Variants in DENND1B observed in about 807,000 individuals in gnomAD.
DENND1B encodes DENN domain-containing protein 1B.
In DENND1B, 59 loss-of-function variants were observed where a neutral mutation model predicts 90.1. The ratio of observed to expected loss-of-function variants is 0.65; its 90% CI spans 0.53 to 0.81. The LOEUF is 0.81. Ranked by LOEUF, DENND1B falls within the 40% of genes least tolerant of loss-of-function variation. The probability of loss-of-function intolerance (pLI) is 0.00; values close to 1 mark genes in which losing one functional copy is unlikely to be tolerated. For missense variants in DENND1B, 862 were observed against 912.6 expected (o/e 0.94, Z 0.71); for synonymous variants, 337 against 324.6 (o/e 1.04, Z -0.41).
At chr1:197,568,407 C>T (rs1351123499) in intron 15 of DENND1B, among the ~76,000 whole-genome samples, 3 of 151,994 alleles carry the variant, frequency 2.0e-5, no homozygotes, top group Non-Finnish European at 2.9e-5. Flanking sequence ...ATTAGCATTG[C>T]TAAACTATCC....
intron 12 of DENND1B, among the ~76,000 whole-genome samples, chr1:197,609,102 C>T (rs963487982): frequency 8.0e-5 from 12 of 149,786 alleles, no homozygotes; most frequent in Non-Finnish European, 1.5e-4. Context: ...GTACCTCCTT[C>T]TGTGTCTCAC....
At chr1:197,591,832 C>T (rs2111934) in intron 14 of DENND1B, among the ~76,000 whole-genome samples, 70,180 of 151,770 alleles carry the variant, frequency 0.46, 16,708 homozygotes, top group East Asian at 0.66. Context: ...GTATCACGGC[C>T]GGGCGCGGTA....
At chr1:197,703,090 T>G (rs1189711432) in intron 3 of DENND1B, among the ~76,000 whole-genome samples, 1 of 151,960 alleles carries the variant, frequency 6.6e-6, no homozygotes, top group Non-Finnish European at 1.5e-5. Flanking sequence ...CTGGTTCAAG[T>G]AATTCTCCTG....
In DENND1B at chr1:197,671,232, C is replaced by G. The variant is rs151074797; in HGVS notation, c.296+805G>C. ...CCATGTTATAATAATAGTTTGGAGT[C>G]CTATTTTTATAGACTACATCTGGAT... On this transcript the variant is annotated intron_variant, in intron 5 of 22. Coordinates refer to ENST00000620048, the MANE Select transcript of DENND1B (RefSeq NM_001195215.2). Among the ~76,000 whole-genome samples, 1,016 of 152,198 alleles carry G rather than the reference C, an allele frequency of 6.7e-3. 13 individuals are homozygous for G. The highest frequency in any genetic ancestry group is 0.023 in the African/African-American group (974 of 41,534).
chr1:197,582,222 C>T (rs1674305022), intron 15 of DENND1B, among the ~76,000 whole-genome samples: 1 of 152,094 alleles, frequency 6.6e-6, no homozygotes, highest in African/African-American at 2.4e-5. Flanking sequence ...TTTAAAATTT[C>T]CTCAGAAGTA....
chr1:197,629,901 G>A (rs538522419), intron 10 of DENND1B, among the ~76,000 whole-genome samples: 2 of 151,856 alleles, frequency 1.3e-5, no homozygotes, highest in East Asian at 1.9e-4. Flanking sequence ...TGTAACTGAT[G>A]CCTCACCAAC....
At chr1:197,520,344 G>C (rs1285250774) in intron 20 of DENND1B, among the ~76,000 whole-genome samples, 1 of 151,904 alleles carries the variant, frequency 6.6e-6, no homozygotes, top group Non-Finnish European at 1.5e-5. Context: ...TAGTAGAGCA[G>C]TTATAAATAA....
intron 7 of DENND1B, among the ~76,000 whole-genome samples, chr1:197,647,907 A>G (rs1241784348): frequency 6.6e-6 from 1 of 150,818 alleles, no homozygotes; most frequent in Admixed American, 6.7e-5. Flanking sequence ...AGATCACGCC[A>G]TTGTTTTCCA....
At chr1:197,704,047 CA>C (rs1459360697) in intron 3 of DENND1B, among the ~76,000 whole-genome samples, 1 of 152,122 alleles carries the variant, frequency 6.6e-6, no homozygotes, top group Non-Finnish European at 1.5e-5. Flanking sequence ...AGTTCACGAC[CA>C]GCCTGGGCAA....
At chr1:197,649,520 C>T (rs1652876501) in intron 7 of DENND1B, among the ~76,000 whole-genome samples, 1 of 152,098 alleles carries the variant, frequency 6.6e-6, no homozygotes, top group South Asian at 2.1e-4. Context: ...TTGCTCAAGA[C>T]ACATGGACCA....
chr1:197,534,485 C>A (rs1305821586), intron 20 of DENND1B, among the ~76,000 whole-genome samples: 1 of 152,176 alleles, frequency 6.6e-6, no homozygotes, highest in Non-Finnish European at 1.5e-5. Flanking sequence ...AAACATCTAA[C>A]CTATTTCTTT....
chr1:197,632,964 A>C (rs1030791569), intron 10 of DENND1B, among the ~76,000 whole-genome samples: 1 of 152,208 alleles, frequency 6.6e-6, no homozygotes, highest in Non-Finnish European at 1.5e-5. Context: ...TTGCATGCCT[A>C]AAGTAAAAGT....
At position 197,660,280 on chromosome 1, in the gene DENND1B, C is replaced by A. The variant is rs189777182; in HGVS notation, c.297-1911G>T. On this transcript the variant is annotated intron_variant, in intron 5 of 22. Transcript: ENST00000620048. ...AGCAAACCACCATGGCATGTGTATA[C>A]CTATGTAACAAACCTGCATGTTCTG... 1.2e-3 allele frequency among the ~76,000 whole-genome samples: 183 copies of A among 152,010 alleles called. 1 individual carries two copies. The highest frequency in any genetic ancestry group is 3.0e-3 in the Admixed American group (45 of 15,252).
intron 15 of DENND1B, among the ~76,000 whole-genome samples, chr1:197,565,117 A>G (rs1386035251): frequency 6.6e-6 from 1 of 152,088 alleles, no homozygotes; most frequent in East Asian, 1.9e-4. Context: ...TTTACTAGTA[A>G]TACAAGTGCT....
At position 197,507,149 on chromosome 1, in the gene DENND1B, CATTATT is replaced by C. The variant is rs67506479; in HGVS notation, c.*3305_*3310del. On this transcript the variant is annotated 3_prime_UTR_variant, in exon 23 of 23. Coordinates refer to ENST00000620048, the MANE Select transcript of DENND1B (RefSeq NM_001195215.2). ...CAGCTAATAACTTCCAGGCAAAACA[CATTATT>C]ATTATTATTATTATTATTATTATTA... is the stretch of plus-strand genomic sequence containing the variant. The C allele has an allele frequency of 0.015, 2,132 of 142,786 alleles. 61 individuals carry two copies. Among genetic ancestry groups the C allele is most frequent in the African/African-American group, 0.05 (1,971 of 39,324 alleles). The allele number at this position is 142,786 out of a possible 1,614,324, so 8.8% of individuals were successfully genotyped here. A position where few individuals can be genotyped will look rare whatever the true frequency, so the allele number is the denominator to read the frequency against.
At chr1:197,647,263 ATGC>A in intron 7 of DENND1B, 149 bp from the exon 8 acceptor site, 1 of 426,126 alleles carries the variant, frequency 2.3e-6, no homozygotes, top group Non-Finnish European at 4.1e-6. Flanking sequence ...ATTATTTTAA[ATGC>A]TGATTTGCTA....
Position 197,553,158 on chromosome 1 carries a change from T to C in DENND1B, c.1150-46A>G, listed in dbSNP as rs892787984. 7.1e-6 allele frequency: 10 copies of C among 1,413,076 alleles called. No homozygotes were observed. The African/African-American group carries it at 1.0e-4, about 15-fold the overall frequency. The allele number at this position is 1,413,076 out of a possible 1,614,324, so 87.5% of individuals were successfully genotyped here. ...ATAAAATGTATCAAATAAAATGTTATCCAATAAAATGTTAATTTTTCATTT... is the reference window on the plus strand; with the variant it reads ...ATAAAATGTATCAAATAAAATGTTACCCAATAAAATGTTAATTTTTCATTT... On this transcript the variant is annotated intron_variant, in intron 15 of 22. Coordinates refer to ENST00000620048, the MANE Select transcript of DENND1B (RefSeq NM_001195215.2).
intron 3 of DENND1B, among the ~76,000 whole-genome samples, chr1:197,679,274 G>A (rs1330020502): frequency 2.0e-5 from 3 of 150,984 alleles, no homozygotes; most frequent in Non-Finnish European, 4.4e-5. Flanking sequence ...ATTGGAAGCA[G>A]TGCAGAGTGA....
At chr1:197,610,066 A>C (rs1450254369) in intron 12 of DENND1B, among the ~76,000 whole-genome samples, 1 of 150,784 alleles carries the variant, frequency 6.6e-6, no homozygotes, top group Non-Finnish European at 1.5e-5. Context: ...AATGATATCC[A>C]ATTGTTTTAA....
Sources: gnomAD v4.1 joint callset for allele counts (sites outside exome capture counted in the v4.1 genomes callset) on GRCh38, gnomAD v4.1.1 for gene constraint, MANE v1.5 for transcripts, NCBI Gene and HGNC (gene_info 2026-07-23, HGNC 2026-07-21) for gene names.